Variants in CSMD1 observed in about 807,000 individuals in gnomAD.
CSMD1 encodes the protein CUB and sushi domain-containing protein 1.
Under a neutral mutation model 417.5 loss-of-function variants are expected in CSMD1, and 213 were observed. That is an observed-to-expected ratio of 0.51 (90% CI 0.46 to 0.57). CSMD1 has a LOEUF of 0.57. CSMD1 is among the 20% of genes least tolerant of loss of function. The pLI, the probability that CSMD1 is intolerant of heterozygous loss-of-function variation, is 0.00. For synonymous variants in CSMD1, 2,862 were observed against 1,736.8 expected, an observed-to-expected ratio of 1.65 and a Z score of -16.11; for missense variants, 6,923 against 4,529.7, an observed-to-expected ratio of 1.53 and a Z score of -15.17.
At chr8:2,966,769 A>G (rs1330385049) in intron 57 of CSMD1, 23 bp from the exon 58 acceptor site, 4 of 1,609,236 alleles carry the variant, frequency 2.5e-6, no homozygotes, top group South Asian at 2.2e-5. Context: ...CAAGAACACC[A>G]CCACACACAG....
chr8:3,070,122 A>T (rs532866345), intron 49 of CSMD1, among the ~76,000 whole-genome samples: 8 of 152,298 alleles, frequency 5.3e-5, no homozygotes, highest in Admixed American at 6.5e-5. Context: ...CCTGGCCCAC[A>T]AAATCATCTT....
At chr8:3,697,452 TCTTGCTGACTTAGTTTG>T (rs1472041603) in intron 7 of CSMD1, among the ~76,000 whole-genome samples, 5 of 152,380 alleles carry the variant, frequency 3.3e-5, no homozygotes, top group Admixed American at 3.3e-4. Flanking sequence ...TAATTAATTA[TCTTGCTGACTTAGTTTG>T]CTTGTGTATA....
At chr8:3,746,026 G>A (rs1797050172) in intron 6 of CSMD1, among the ~76,000 whole-genome samples, 2 of 152,158 alleles carry the variant, frequency 1.3e-5, no homozygotes, top group Non-Finnish European at 2.9e-5. Flanking sequence ...ACACAATCAT[G>A]CTTACCGTTC....
intron 1 of CSMD1, among the ~76,000 whole-genome samples, chr8:4,925,388 C>T (rs1374298653): frequency 6.6e-6 from 1 of 151,754 alleles, no homozygotes; most frequent in Admixed American, 6.6e-5. Context: ...CAGTTAAATA[C>T]ATGGCATTTT....
At chr8:3,281,558 A>G (rs1011509367) in intron 26 of CSMD1, among the ~76,000 whole-genome samples, 26 of 152,228 alleles carry the variant, frequency 1.7e-4, no homozygotes, top group African/African-American at 6.0e-4. Context: ...AAAGTGTCTT[A>G]CTAAGTGAAA....
intron 1 of CSMD1, among the ~76,000 whole-genome samples, chr8:4,782,399 A>C (rs1022049234): frequency 1.3e-5 from 2 of 152,194 alleles, no homozygotes; most frequent in Admixed American, 1.3e-4. Flanking sequence ...AGGTCAATTA[A>C]AAAATAAAAC....
At chr8:3,686,937 C>A (rs529563393) in intron 7 of CSMD1, among the ~76,000 whole-genome samples, 2 of 152,294 alleles carry the variant, frequency 1.3e-5, no homozygotes, top group South Asian at 4.1e-4. Flanking sequence ...CTCCCCTACA[C>A]TGGGGGGTGT....
At chr8:4,003,847 A>ATATAG (rs1554513396) in intron 4 of CSMD1, among the ~76,000 whole-genome samples, 1 of 151,510 alleles carries the variant, frequency 6.6e-6, no homozygotes, top group Non-Finnish European at 1.5e-5. Context: ...TATGTGAACT[A>ATATAG]TTTAATCACA....
chr8:4,325,237 A>C (rs563358588), intron 3 of CSMD1, among the ~76,000 whole-genome samples: 3 of 152,168 alleles, frequency 2.0e-5, no homozygotes, highest in Admixed American at 6.6e-5. Context: ...CTGAACCAGG[A>C]ATGTGCGACT....
intron 8 of CSMD1, among the ~76,000 whole-genome samples, chr8:3,600,069 G>T (rs534953924): frequency 6.6e-6 from 1 of 152,182 alleles, no homozygotes; most frequent in African/African-American, 2.4e-5. Flanking sequence ...GGTTCTGAAT[G>T]CTTGCTGAAC....
chr8:3,699,920 G>C (rs186680262), intron 7 of CSMD1, among the ~76,000 whole-genome samples: 89 of 151,096 alleles, frequency 5.9e-4, no homozygotes, highest in African/African-American at 1.9e-3. Flanking sequence ...TACATCCCTG[G>C]GTTATATCCC....
chr8:3,981,087 C>T (rs1201620494), intron 5 of CSMD1, among the ~76,000 whole-genome samples: 1 of 152,162 alleles, frequency 6.6e-6, no homozygotes, highest in Non-Finnish European at 1.5e-5. Context: ...CTTCCAAGGA[C>T]TTGCTATTTG....
At chr8:3,034,184 A>C (rs978391385) in intron 50 of CSMD1, among the ~76,000 whole-genome samples, 15 of 152,234 alleles carry the variant, frequency 9.9e-5, no homozygotes, top group Admixed American at 9.2e-4. Context: ...TTTTCTCTTA[A>C]CAGGTAGAAG....
intron 3 of CSMD1, among the ~76,000 whole-genome samples, chr8:4,187,912 T>C (rs34455893): frequency 0.032 from 4,810 of 152,194 alleles, 99 homozygotes; most frequent in Non-Finnish European, 0.044. Flanking sequence ...CATGCATTTG[T>C]TGTTAATAAA....
intron 1 of CSMD1, among the ~76,000 whole-genome samples, chr8:4,942,302 C>T (rs984771396): frequency 5.3e-5 from 8 of 152,058 alleles, no homozygotes; most frequent in African/African-American, 1.7e-4. Context: ...AAGAATTCCT[C>T]TGTGAATTCT....
intron 2 of CSMD1, among the ~76,000 whole-genome samples, chr8:4,557,575 A>G (rs576428487): frequency 8.6e-5 from 13 of 150,784 alleles, no homozygotes; most frequent in African/African-American, 3.0e-4. Context: ...CAGTATTAAG[A>G]TACTTAAAAT....
At chr8:3,899,417 A>C (rs1284850786) in intron 5 of CSMD1, among the ~76,000 whole-genome samples, 3 of 152,150 alleles carry the variant, frequency 2.0e-5, no homozygotes, top group African/African-American at 7.2e-5. Flanking sequence ...TTACTTCAAC[A>C]TGTTGGCCAC....
intron 1 of CSMD1, among the ~76,000 whole-genome samples, chr8:4,703,140 G>C (rs766406698): frequency 5.3e-5 from 8 of 152,064 alleles, no homozygotes; most frequent in Non-Finnish European, 1.2e-4. Context: ...GCAATATCTG[G>C]CAGAAAAAAG....
chr8:3,354,938 T>TTTATATCTATAGATCTATCTATAG (rs1808678663), intron 21 of CSMD1, among the ~76,000 whole-genome samples: 1 of 151,190 alleles, frequency 6.6e-6, no homozygotes, highest in African/African-American at 2.4e-5. Flanking sequence ...GATATAGATA[T>TTTATATCTATAGATCTATCTATAG]ATATAGAGAG....
Sources: allele counts gnomAD v4.1 joint callset (sites outside exome capture counted in the v4.1 genomes callset), GRCh38; gene constraint gnomAD v4.1.1; transcripts MANE v1.5; gene names NCBI Gene and HGNC (gene_info 2026-07-23, HGNC 2026-07-21).